Variants in BFSP2 observed in about 807,000 individuals in gnomAD.
BFSP2 encodes beaded filament structural protein 2, also known as phakinin.
Under a neutral mutation model 44.9 loss-of-function variants are expected in BFSP2, and 38 were observed. The observed-to-expected ratio is 0.85, with a 90% CI of 0.65 to 1.11. The LOEUF (loss-of-function observed/expected upper bound fraction) is 1.11. Among genes scored for constraint, BFSP2 ranks in the 50% least tolerant of loss-of-function variants. BFSP2 has a pLI of 0.00. For missense variants in BFSP2, 525 were observed against 533.0 expected, an observed-to-expected ratio of 0.99 and a Z score of 0.15; for synonymous variants, 197 against 209.9, an observed-to-expected ratio of 0.94 and a Z score of 0.53.
chr3:133,459,635 C>T (rs1255017182), intron 4 of BFSP2, among the ~76,000 whole-genome samples: 3 of 152,198 alleles, frequency 2.0e-5, no homozygotes, highest in Non-Finnish European at 2.9e-5. Context: ...TTGAGTGAGG[C>T]GTGCACTTCT....
At chr3:133,425,958 AG>A (rs1430847545) in intron 1 of BFSP2, among the ~76,000 whole-genome samples, 7 of 770 alleles carry the variant, frequency 9.1e-3, no homozygotes, top group Middle Eastern at 0.5. Context: ...GGGGAGGGGG[AG>A]GGGGAGGGGA....
At chr3:133,438,023 G>C (rs531231709) in intron 1 of BFSP2, among the ~76,000 whole-genome samples, 1 of 152,306 alleles carries the variant, frequency 6.6e-6, no homozygotes, top group African/African-American at 2.4e-5. Flanking sequence ...GAGATTATAA[G>C]AGAGAAAGTG....
chr3:133,420,077 C>T (rs992145641), intron 1 of BFSP2, among the ~76,000 whole-genome samples: 4 of 152,206 alleles, frequency 2.6e-5, no homozygotes, highest in South Asian at 4.1e-4. Context: ...GAGTGAGGCA[C>T]GGCTCTGTTA....
rs182019883 is a variant in BFSP2, at chr3:133,407,868, T to C, written c.489+7296T>C. 3.9e-5 allele frequency among the ~76,000 whole-genome samples: 6 copies of C among 152,224 alleles called. No individual in the cohort carries two copies. The East Asian group carries it at 1.2e-3, about 29-fold the overall frequency. The stretch of plus-strand genomic sequence containing the variant: ...ATTAGATCCATTTCTTGCTGTACCC[T>C]AGGGTCAGTTCTAAATGTATCCTAG... On this transcript the variant is annotated intron_variant, in intron 1 of 6. Coordinates refer to ENST00000302334, the MANE Select transcript of BFSP2 (RefSeq NM_003571.4).
chr3:133,439,358 G>A (rs2073822281), intron 1 of BFSP2, among the ~76,000 whole-genome samples: 1 of 152,172 alleles, frequency 6.6e-6, no homozygotes, highest in Admixed American at 6.5e-5. Flanking sequence ...AGTCTATTCT[G>A]TTAACAAACA....
At chr3:133,449,001 C>CT (rs2073931137) in intron 3 of BFSP2, 1 of 258,552 alleles carries the variant, frequency 3.9e-6, no homozygotes, top group East Asian at 9.0e-5. Flanking sequence ...CAAAACAACT[C>CT]TGAGGGTAGA....
intron 1 of BFSP2, among the ~76,000 whole-genome samples, chr3:133,436,594 AAGC>A (rs2073785417): frequency 6.6e-6 from 1 of 152,180 alleles, no homozygotes; most frequent in South Asian, 2.1e-4. Flanking sequence ...TGTCAAGACA[AAGC>A]AGCTCAATTT....
At chr3:133,457,341 T>A (rs1213183539) in intron 4 of BFSP2, among the ~76,000 whole-genome samples, 1 of 152,250 alleles carries the variant, frequency 6.6e-6, no homozygotes, top group Non-Finnish European at 1.5e-5. Flanking sequence ...TTTGCTTTTA[T>A]GTCTTTTTAA....
At position 133,400,416 on chromosome 3, in the gene BFSP2, A is replaced by C. The variant is rs761163518; in HGVS notation, c.333A>C (p.Leu111=). ...LERDHGAVED[L]GGCLVEYMAK... ...GGGACCATGGTGCTGTTGAGGACCT[A>C]GGGGGCTGCCTGGTGGAATATATGG... The change falls in exon 1 of 7, where the codon CTA becomes CTC. Residue 111 remains leucine (L), a synonymous_variant. Transcript: ENST00000302334. This position sits in a 1 kb window ranked among gnomAD's most constrained non-coding sequence, Gnocchi z 4.0. The C allele has an allele frequency of 1.2e-6, 2 of 1,614,028 alleles. No individual in the cohort carries two copies.
chr3:133,403,072 G>A (rs1014525819), intron 1 of BFSP2, among the ~76,000 whole-genome samples: 1 of 152,148 alleles, frequency 6.6e-6, no homozygotes, highest in African/African-American at 2.4e-5. Flanking sequence ...CTGGCCTCGT[G>A]GAGCTGCAGG....
In BFSP2 at chr3:133,424,227, T is replaced by G. The variant is rs1280115032; in HGVS notation, c.490-23090T>G. 2.1e-3 allele frequency among the ~76,000 whole-genome samples: 304 copies of G among 145,404 alleles called. 7 individuals carry two copies. Among genetic ancestry groups the G allele is most frequent in the African/African-American group, 7.3e-3 (289 of 39,692 alleles). On this transcript the variant is annotated intron_variant, in intron 1 of 6. Coordinates refer to ENST00000302334, the MANE Select transcript of BFSP2 (RefSeq NM_003571.4). The stretch of plus-strand genomic sequence containing the variant: ...CGTCCAGCTAATTTTTTTTTTTTTT[T>G]TTTTTTTTTTTTTTGTATTTTTAGT...
intron 4 of BFSP2, among the ~76,000 whole-genome samples, chr3:133,452,170 T>C (rs2073971428): frequency 6.6e-6 from 1 of 152,234 alleles, no homozygotes; most frequent in East Asian, 1.9e-4. Context: ...ATAAGAATTA[T>C]AAAAAGCTAT....
chr3:133,428,594 G>A (rs1412128501), intron 1 of BFSP2, among the ~76,000 whole-genome samples: 3 of 152,212 alleles, frequency 2.0e-5, no homozygotes, highest in Admixed American at 6.5e-5. Flanking sequence ...GGTCCCACGC[G>A]AATTTCTGAG....
Position 133,474,987 on chromosome 3 carries a change from C to G in BFSP2, c.*15C>G. On this transcript the variant is annotated 3_prime_UTR_variant, in exon 7 of 7. Coordinates refer to ENST00000302334, the MANE Select transcript of BFSP2 (RefSeq NM_003571.4). ...CTTTCAGCTGATGGAGAAACTTCCT[C>G]TTTTTCATGAAGAAAACACCCTTCC... 1 of 1,614,122 alleles carries G rather than the reference C, an allele frequency of 6.2e-7. No homozygotes were observed. Among genetic ancestry groups the G allele is most frequent in the Non-Finnish European group, 8.5e-7 (1 of 1,179,986 alleles).
rs1326792265 is a variant in BFSP2, at chr3:133,433,258, T to A, written c.490-14059T>A. The stretch of plus-strand genomic sequence containing the variant: ...TTCCTGTTCCTCACCCTGATCACAC[T>A]TAGTTTTTTGATGGCAGTTCCACCA... On this transcript the variant is annotated intron_variant, in intron 1 of 6. Transcript: ENST00000302334. Among the ~76,000 whole-genome samples the A allele has an allele frequency of 3.6e-4, 55 of 152,266 alleles. 1 individual carries two copies. The highest frequency in any genetic ancestry group is 1.3e-3 in the African/African-American group (54 of 41,510).
chr3:133,449,982 A>AAAGGAAGGAAGGAAGGAAGGAAGG (rs71136469), intron 3 of BFSP2, among the ~76,000 whole-genome samples: 1,019 of 86,338 alleles, frequency 0.012, 21 homozygotes, highest in South Asian at 0.019. Flanking sequence ...GGAAAGAAGG[A>AAAGGAAGGAAGGAAGGAAGGAAGG]AAGGAAGGAA....
At chr3:133,407,592 G>A (rs2073414907) in intron 1 of BFSP2, among the ~76,000 whole-genome samples, 3 of 152,088 alleles carry the variant, frequency 2.0e-5, no homozygotes, top group Non-Finnish European at 2.9e-5. Flanking sequence ...TGGAGGGGAG[G>A]AGGCTGGGGA....
intron 4 of BFSP2, among the ~76,000 whole-genome samples, chr3:133,454,560 G>A (rs1398963814): frequency 6.6e-6 from 1 of 152,104 alleles, no homozygotes; most frequent in African/African-American, 2.4e-5. Flanking sequence ...CCCATACTTC[G>A]GATGAACTGG....
intron 1 of BFSP2, among the ~76,000 whole-genome samples, chr3:133,439,578 G>T (rs116520967): frequency 6.6e-6 from 1 of 152,222 alleles, no homozygotes; most frequent in African/African-American, 2.4e-5. Context: ...GCCAGGGTTT[G>T]AAGGATGGAT....
Sources: gnomAD v4.1 joint callset for allele counts (sites outside exome capture counted in the v4.1 genomes callset) on GRCh38, gnomAD v4.1.1 for gene constraint, Gnocchi (gnomAD v3.1) non-coding constraint, MANE v1.5 for transcripts, NCBI Gene and HGNC (gene_info 2026-07-23, HGNC 2026-07-21) for gene names.